The following VPS9D1 variants were observed in gnomAD, a reference collection of about 807,000 sequenced individuals.
VPS9D1 encodes VPS9 domain-containing protein 1.
A neutral mutation model predicts 75.8 loss-of-function variants in VPS9D1; 78 were observed. That is an observed-to-expected ratio of 1.03 (90% confidence interval 0.86 to 1.24). The LOEUF is 1.24. Ranked by LOEUF, VPS9D1 falls within the 50% of genes most tolerant of loss-of-function variation. The probability of loss-of-function intolerance (pLI) is 0.00; values close to 1 mark genes in which losing one functional copy is unlikely to be tolerated. For synonymous variants in VPS9D1, 481 were observed against 385.6 expected, an observed-to-expected ratio of 1.25 and a Z score of -2.90; for missense variants, 1,057 against 847.7, an observed-to-expected ratio of 1.25 and a Z score of -3.07.
chr16:89,712,269 C>T (rs1288746682), intron 6 of VPS9D1, 170 bp from the exon 7 acceptor site: 1 of 1,324,006 alleles, frequency 7.6e-7, no homozygotes, highest in Non-Finnish European at 1.0e-6. Flanking sequence ...GCCAGGAGGG[C>T]CGGGCCAGAG....
At chr16:89,720,333 C>G in intron 1 of VPS9D1, 1 of 879,554 alleles carries the variant, frequency 1.1e-6, no homozygotes, top group South Asian at 5.2e-5. Flanking sequence ...AAGACGACTG[C>G]AAACAGCATC....
chr16:89,709,409 G>A lies in VPS9D1; in HGVS notation c.1415C>T (p.Ala472Val). 3 of 1,522,430 alleles carry A rather than the reference G, an allele frequency of 2.0e-6. No homozygotes were observed. The highest frequency in any genetic ancestry group is 2.6e-6 in the Non-Finnish European group (3 of 1,142,272). The allele number at this position is 1,522,430 out of a possible 1,614,324, so 94.3% of individuals were successfully genotyped here. The change falls in exon 12 of 15, where the codon GCC (alanine) becomes GTC (valine). Residue 472 changes from alanine (A) to valine (V), a missense_variant. Transcript: ENST00000389386. Reference sequence around the variant, plus strand: ...GTAGAGCTCCATGCTCCTGCTCAGGGCAGCCTCCCGGGCTCGGTGCACGCT... The same window carrying A: ...GTAGAGCTCCATGCTCCTGCTCAGGACAGCCTCCCGGGCTCGGTGCACGCT... ...YRSVHRAREA[A>V]LSRSMELYRN...
chr16:89,709,215 G>A lies in VPS9D1; in HGVS notation c.1597+12C>T, dbSNP rs371257962. On this transcript the variant is annotated intron_variant, in intron 12 of 14. Transcript: ENST00000389386. ...GAGCCTGTCCCTCCCCCTGACTCTC[G>A]AACCTGCTGACCTATGCACTCCAGC... 262 of 1,611,732 alleles carry A rather than the reference G, an allele frequency of 1.6e-4. No homozygotes were observed. The highest frequency in any genetic ancestry group is 2.7e-4 in the Admixed American group (16 of 59,972).
rs2061165358 is a variant in VPS9D1 at position 89,719,019 on chromosome 16, A to G, written c.175+8T>C. 1.2e-6 allele frequency: 2 copies of G among 1,611,492 alleles called. No individual in the cohort carries two copies. The highest frequency in any genetic ancestry group is 2.7e-5 in the African/African-American group (2 of 74,906). ...GTGAGCCACCGCGCCCGGCTGGCTG[A>G]GCCGTACCTTTAGTGGTTTCCACTT... On this transcript the variant is annotated splice_region_variant and intron_variant, in intron 2 of 14. Transcript: ENST00000389386.
chr16:89,711,303 T>C (rs778549820), intron 9 of VPS9D1, 24 bp downstream of exon 9: 5 of 1,592,166 alleles, frequency 3.1e-6, no homozygotes, highest in Non-Finnish European at 2.6e-6. Context: ...GCAGGGGCTC[T>C]GTGGGGCCTG....
At chr16:89,711,488 C>A in intron 8 of VPS9D1, 76 bp from the exon 9 acceptor site, 1 of 1,409,702 alleles carries the variant, frequency 7.1e-7, no homozygotes, top group Non-Finnish European at 9.7e-7. Context: ...CCACCAGTGC[C>A]GACCCCTAGA....
rs1256039003 is a variant in VPS9D1, at chr16:89,716,750, T to C, written c.248A>G (p.Gln83Arg). The change falls in exon 3 of 15, where the codon CAG (glutamine) becomes CGG (arginine). Residue 83 changes from glutamine (Q) to arginine (R), a missense_variant. Gln to Arg is a conservative substitution (Grantham distance 43). Coordinates refer to ENST00000389386, the MANE Select transcript of VPS9D1 (RefSeq NM_004913.3). The stretch of plus-strand genomic sequence containing the variant: ...CCCACCAAGCTTGGCGGCCGTCGAC[T>C]GGGCCCTCTCCAGACACTGCTGTGC... ...KLAQQCLERAQSTAAKLGKTR... is the reference protein window; with the variant it reads ...KLAQQCLERARSTAAKLGKTR... The C allele has an allele frequency of 3.8e-6, 6 of 1,590,104 alleles. No individual in the cohort carries two copies. Among genetic ancestry groups the C allele is most frequent in the Admixed American group, 1.8e-5 (1 of 54,100 alleles).
At position 89,711,982 on chromosome 16, in the gene VPS9D1, G is replaced by C. The variant is rs1275631109; in HGVS notation, c.660-13C>G. 1 of 1,550,436 alleles carries C rather than the reference G, an allele frequency of 6.4e-7. No individual in the cohort carries two copies. Among genetic ancestry groups the C allele is most frequent in the Non-Finnish European group, 8.7e-7 (1 of 1,146,700 alleles). ...GCTGCAAAACCTCCTGGGGAGAAAG[G>C]CACGCGGTGGGTGCCGGGGCCAGGC... On this transcript the variant is annotated splice_polypyrimidine_tract_variant and intron_variant, in intron 7 of 14. Coordinates refer to ENST00000389386, the MANE Select transcript of VPS9D1 (RefSeq NM_004913.3).
At chr16:89,711,446 T>C (rs1349801743) in intron 8 of VPS9D1, 34 bp from the exon 9 acceptor site, 3 of 1,570,052 alleles carry the variant, frequency 1.9e-6, no homozygotes, top group South Asian at 2.3e-5. Flanking sequence ...GAAAGCACGG[T>C]GGGTCCGCCA....
chr16:89,715,770 G>C (rs2061049763), intron 4 of VPS9D1, among the ~76,000 whole-genome samples: 1 of 151,910 alleles, frequency 6.6e-6, no homozygotes. Flanking sequence ...CCACCTTCCA[G>C]GATCAAGCGA....
At chr16:89,712,545 G>A (rs926354846) in intron 5 of VPS9D1, 23 bp from the exon 6 acceptor site, 3 of 1,610,774 alleles carry the variant, frequency 1.9e-6, no homozygotes, top group Non-Finnish European at 2.5e-6. Context: ...GAGGGAGTAA[G>A]GCCGACTCCC....
rs2060970662 is a variant in VPS9D1, at chr16:89,712,892, C to T, written c.432-176G>A. ...CCCCTTCTTGCCTGCCCTTCCAAAA[C>T]ACAGGTTTTGGCCAGGTGCAGTGGC... On this transcript the variant is annotated intron_variant, in intron 4 of 14. Transcript: ENST00000389386. The T allele has an allele frequency of 1.4e-5, 8 of 563,014 alleles. No homozygotes were observed. In the East Asian group the frequency reaches 2.6e-4, roughly 18 times the overall value. The allele number at this position is 563,014 out of a possible 1,614,324, so 34.9% of individuals were successfully genotyped here.
chr16:89,713,156 T>TA (rs1452979351), intron 4 of VPS9D1: 1 of 152,996 alleles, frequency 6.5e-6, no homozygotes, highest in African/African-American at 2.4e-5. Flanking sequence ...GCTGGGGTGA[T>TA]AGAGTGAGAC....
In VPS9D1 at chr16:89,712,469, C is replaced by A. The variant is rs1028201421; in HGVS notation, c.597G>T (p.Arg199=). ...CGGTCAGAAAGGCTGCTGTCTCCTC[C>A]CGGGCTTTGGCAATCACTAGGTTCT... ...MMENLVIAKA[R]EETLQRKMEE... Residue 199 remains arginine, a synonymous_variant, in exon 6 of 15, where the codon CGG becomes CGT. Transcript: ENST00000389386. The A allele has an allele frequency of 3.1e-6, 5 of 1,613,266 alleles. No homozygotes were observed. In the Admixed American group the frequency reaches 6.7e-5, roughly 22 times the overall value.
At chr16:89,711,093 G>T in intron 9 of VPS9D1, 83 bp from the exon 10 acceptor site, 1 of 1,365,336 alleles carries the variant, frequency 7.3e-7, no homozygotes, top group Non-Finnish European at 9.6e-7. Flanking sequence ...CCCGGTTTCA[G>T]AGAAGCGACT....
intron 8 of VPS9D1, 114 bp downstream of exon 8, chr16:89,711,768 C>G: frequency 7.8e-7 from 1 of 1,274,104 alleles, no homozygotes; most frequent in Non-Finnish European, 1.1e-6. Context: ...CCCGCCCCCT[C>G]ACTGCCCCCC....
chr16:89,710,669 C>T lies in VPS9D1; in HGVS notation c.1175G>A (p.Arg392Gln), dbSNP rs746300374. 3.7e-6 allele frequency: 6 copies of T among 1,612,002 alleles called. No individual in the cohort carries two copies. The highest frequency in any genetic ancestry group is 5.1e-6 in the Non-Finnish European group (6 of 1,179,586). ...DLEQFLGTSE[R>Q]QGRGRGVQPE... ...CTGTACCCCACGGCCCCGGCCCTGCCGCTCAGACGTCCCCAGGAACTGCTC... is the reference window on the plus strand; with the variant it reads ...CTGTACCCCACGGCCCCGGCCCTGCTGCTCAGACGTCCCCAGGAACTGCTC... Residue 392 changes from arginine to glutamine, a missense_variant, in exon 10 of 15, where the codon CGG becomes CAG. Coordinates refer to ENST00000389386, the MANE Select transcript of VPS9D1 (RefSeq NM_004913.3).
Position 89,709,262 on chromosome 16 carries a change from A to C in VPS9D1, c.1562T>G (p.Leu521Arg). ...AAAQELGLLV[L>R]ESCPQKKLEC... ...CAGCTTCTTCTGGGGGCAGCTCTCCAGGACCAGCAGTCCGAGCTCCTGGGC... is the reference window on the plus strand; with the variant it reads ...CAGCTTCTTCTGGGGGCAGCTCTCCCGGACCAGCAGTCCGAGCTCCTGGGC... Residue 521 changes from leucine (L) to arginine (R), a missense_variant, in exon 12 of 15, where the codon CTG becomes CGG. Coordinates refer to ENST00000389386, the MANE Select transcript of VPS9D1 (RefSeq NM_004913.3). 6.2e-7 allele frequency: 1 copy of C among 1,611,682 alleles called. No homozygotes were observed. The highest frequency in any genetic ancestry group is 1.1e-5 in the South Asian group (1 of 91,034).
intron 13 of VPS9D1, 152 bp from the exon 14 acceptor site, chr16:89,708,683 T>C: frequency 1.8e-6 from 2 of 1,111,662 alleles, no homozygotes; most frequent in Non-Finnish European, 1.3e-6. Flanking sequence ...GGTGAGGCTG[T>C]CCCTAAAGGG....
Sources: allele counts gnomAD v4.1 joint callset (sites outside exome capture counted in the v4.1 genomes callset), GRCh38; gene constraint gnomAD v4.1.1; transcripts MANE v1.5; gene names NCBI Gene and HGNC (gene_info 2026-07-23, HGNC 2026-07-21).